BLTP2: variants seen among roughly 807,000 people sequenced by gnomAD.
The protein encoded by BLTP2 is U937-associated antigen.
At chr17:28,616,962 C>T in the BLTP2 span, 2 of 1,614,006 alleles carry the variant, frequency 1.2e-6, no homozygotes, top group Non-Finnish European at 1.7e-6. This position sits in a 1 kb window ranked among gnomAD's most constrained non-coding sequence, Gnocchi z 4.8. Context: ...AGCTAGCTGT[C>T]GCCCAGACTG....
the BLTP2 span, among the ~76,000 whole-genome samples, chr17:28,622,330 A>C: frequency 1.8e-3 from 270 of 152,358 alleles, no homozygotes; most frequent in Non-Finnish European, 3.3e-3. Context: ...ACACGGCTTA[A>C]CATCTGATCT....
At chr17:28,617,159 T>C in the BLTP2 span, 7 of 1,359,140 alleles carry the variant, frequency 5.2e-6, no homozygotes, top group Admixed American at 8.7e-5. Flanking sequence ...AGTGGATTTA[T>C]ACTGAAGGGC....
chr17:28,638,894 T>A, the BLTP2 span, among the ~76,000 whole-genome samples: 1 of 152,190 alleles, frequency 6.6e-6, no homozygotes, highest in Non-Finnish European at 1.5e-5. Flanking sequence ...CCAAATACAA[T>A]GAACACCAGC....
the BLTP2 span, chr17:28,632,031 G>A: frequency 1.9e-6 from 3 of 1,609,724 alleles, no homozygotes; most frequent in Non-Finnish European, 2.6e-6. Context: ...GATGTCAGCA[G>A]GGACATCAGT....
the BLTP2 span, chr17:28,620,699 C>T: frequency 3.9e-4 from 609 of 1,565,278 alleles, 4 homozygotes; most frequent in African/African-American, 7.1e-3. Context: ...ATCTCTTAAC[C>T]CACATTTGGA....
chr17:28,635,128 G>A, the BLTP2 span: 1 of 1,613,868 alleles, frequency 6.2e-7, no homozygotes, highest in African/African-American at 1.3e-5. Context: ...TGAGCCGAAA[G>A]AGAGGAGCCA....
At chr17:28,626,147 C>T in the BLTP2 span, among the ~76,000 whole-genome samples, 3 of 152,194 alleles carry the variant, frequency 2.0e-5, no homozygotes, top group African/African-American at 7.2e-5. Flanking sequence ...TCCAATCCTC[C>T]TACACACTAC....
At chr17:28,631,786 G>C in the BLTP2 span, 1 of 1,605,572 alleles carries the variant, frequency 6.2e-7, no homozygotes. Flanking sequence ...ACAAGGAACA[G>C]GATAGGAGAA....
At chr17:28,640,463 C>T in the BLTP2 span, 4 of 1,295,702 alleles carry the variant, frequency 3.1e-6, no homozygotes, top group East Asian at 2.3e-5. Context: ...CCTTTCTCCC[C>T]GTAGACAAGC....
the BLTP2 span, chr17:28,634,400 CCACCCACCCAAAA>C: frequency 1.2e-6 from 1 of 857,796 alleles, no homozygotes; most frequent in East Asian, 2.6e-5. Context: ...CCATCCCACT[CCACCCACCCAAAA>C]CGGCACAGTT....
chr17:28,634,427 A>T, the BLTP2 span: 1 of 1,104,472 alleles, frequency 9.1e-7, no homozygotes, highest in Non-Finnish European at 1.3e-6. Context: ...CACAGTTCCC[A>T]ATATAACCTA....
At chr17:28,626,446 T>C in the BLTP2 span, among the ~76,000 whole-genome samples, 2 of 152,180 alleles carry the variant, frequency 1.3e-5, no homozygotes, top group African/African-American at 2.4e-5. Context: ...GCCTCCTAAG[T>C]GATGTCTTTT....
the BLTP2 span, among the ~76,000 whole-genome samples, chr17:28,630,939 T>C: frequency 4.6e-5 from 7 of 152,170 alleles, no homozygotes; most frequent in Non-Finnish European, 7.4e-5. Flanking sequence ...AAAGAAAAAG[T>C]ATTTTCAAAA....
chr17:28,644,851 C>T, the BLTP2 span: 1 of 697,284 alleles, frequency 1.4e-6, no homozygotes, highest in Non-Finnish European at 2.4e-6. Flanking sequence ...CCTCGCCGCG[C>T]GCCCCCTCCC....
the BLTP2 span, chr17:28,633,418 G>T: frequency 1.7e-5 from 28 of 1,604,064 alleles, no homozygotes; most frequent in Non-Finnish European, 2.1e-5. Flanking sequence ...CCACCCCCGA[G>T]AATTTGGTGA....
At chr17:28,621,388 G>A in the BLTP2 span, 3 of 1,607,410 alleles carry the variant, frequency 1.9e-6, no homozygotes, top group South Asian at 1.1e-5. Context: ...CAGAGGAGGG[G>A]GAGGGCTGAC....
chr17:28,618,865 G>C, the BLTP2 span: 1 of 1,614,142 alleles, frequency 6.2e-7, no homozygotes, highest in Non-Finnish European at 8.5e-7. Context: ...AGGCGCCACC[G>C]TGCCTGAGCA....
chr17:28,643,276 A>C, the BLTP2 span: 2 of 1,614,158 alleles, frequency 1.2e-6, no homozygotes, highest in Non-Finnish European at 8.5e-7. Context: ...GTCCGTTCTG[A>C]TACGCACTTC....
chr17:28,645,114 C>G, the BLTP2 span: 1 of 1,496,292 alleles, frequency 6.7e-7, no homozygotes, highest in South Asian at 1.2e-5. Flanking sequence ...GCCCCGACGC[C>G]GGATCCGCGC....
Sources: allele counts gnomAD v4.1 joint callset (sites outside exome capture counted in the v4.1 genomes callset), GRCh38; gene constraint gnomAD v4.1.1; non-coding constraint Gnocchi (gnomAD v3.1); transcripts MANE v1.5; gene names NCBI Gene and HGNC (gene_info 2026-07-23, HGNC 2026-07-21).